The following SORCS3 variants were observed in gnomAD, a reference collection of about 807,000 sequenced individuals.
SORCS3 encodes sortilin related VPS10 domain containing receptor 3, also known as VPS10 domain-containing receptor SorCS3.
Under a neutral mutation model 146.3 loss-of-function variants are expected in SORCS3, and 57 were observed. The ratio of observed to expected loss-of-function variants is 0.39; its 90% CI spans 0.31 to 0.49. The LOEUF (loss-of-function observed/expected upper bound fraction) is 0.49. Ranked by LOEUF, SORCS3 falls within the 20% of genes least tolerant of loss-of-function variation. The pLI is 0.92. For missense variants in SORCS3, 1,341 were observed against 1,575.5 expected, an observed-to-expected ratio of 0.85 and a Z score of 2.52; for synonymous variants, 653 against 618.5, an observed-to-expected ratio of 1.06 and a Z score of -0.83.
At chr10:104,870,893 C>T (rs2451494) in intron 2 of SORCS3, among the ~76,000 whole-genome samples, 12,609 of 152,174 alleles carry the variant, frequency 0.083, 1,653 homozygotes, top group African/African-American at 0.28. Context: ...GTCAACCATT[C>T]TCTTGAACAT....
In SORCS3 at chr10:105,263,736, A is replaced by C; in HGVS notation, c.*362A>C. On this transcript the variant is annotated 3_prime_UTR_variant, in exon 27 of 27. Transcript: ENST00000369701. Reference sequence around the variant, plus strand: ...CTCTCATCCCCACAGCAGAATCACCAACACTCTCCGCTTCCCCCAGCACAC... The same window carrying C: ...CTCTCATCCCCACAGCAGAATCACCCACACTCTCCGCTTCCCCCAGCACAC... 1 of 235,238 alleles carries C rather than the reference A, an allele frequency of 4.3e-6. No homozygotes were observed. Among genetic ancestry groups the C allele is most frequent in the Non-Finnish European group, 8.5e-6 (1 of 117,862 alleles). The allele number at this position is 235,238 out of a possible 1,614,324, so 14.6% of individuals were successfully genotyped here.
chr10:104,907,522 G>A (rs1457355209), intron 2 of SORCS3, among the ~76,000 whole-genome samples: 1 of 152,198 alleles, frequency 6.6e-6, no homozygotes, highest in African/African-American at 2.4e-5. Flanking sequence ...CGTGTGCTGG[G>A]AAGCTGCTGC....
chr10:104,733,030 G>A, intron 1 of SORCS3, among the ~76,000 whole-genome samples: 1 of 152,208 alleles, frequency 6.6e-6, no homozygotes, highest in African/African-American at 2.4e-5. Flanking sequence ...TACATAAGCT[G>A]ATAAATCAGT....
intron 20 of SORCS3, among the ~76,000 whole-genome samples, chr10:105,233,408 T>A (rs561910436): frequency 6.6e-6 from 1 of 152,302 alleles, no homozygotes; most frequent in African/African-American, 2.4e-5. Context: ...AATACTTTTC[T>A]TTCTTTTTTT....
intron 1 of SORCS3, among the ~76,000 whole-genome samples, chr10:104,817,823 G>T (rs999083996): frequency 2.6e-5 from 4 of 151,082 alleles, no homozygotes; most frequent in African/African-American, 9.7e-5. Context: ...CCCACAATAG[G>T]AAGTACAGAG....
intron 13 of SORCS3, among the ~76,000 whole-genome samples, chr10:105,176,057 A>G (rs936792243): frequency 6.6e-6 from 1 of 152,180 alleles, no homozygotes; most frequent in African/African-American, 2.4e-5. Flanking sequence ...GGTAATTCAC[A>G]CCCAACTTAT....
chr10:105,045,558 G>A (rs1392221563), intron 5 of SORCS3, among the ~76,000 whole-genome samples: 2 of 151,886 alleles, frequency 1.3e-5, no homozygotes, highest in Non-Finnish European at 2.9e-5. Context: ...AGAATTCAGG[G>A]TTTTCTAAAG....
At chr10:105,156,325 C>G (rs192297766) in intron 9 of SORCS3, among the ~76,000 whole-genome samples, 1 of 152,270 alleles carries the variant, frequency 6.6e-6, no homozygotes, top group Non-Finnish European at 1.5e-5. Flanking sequence ...GCTTTCCTTG[C>G]CCAGCATATA....
chr10:104,725,084 G>GT (rs998703908), intron 1 of SORCS3, among the ~76,000 whole-genome samples: 3 of 152,088 alleles, frequency 2.0e-5, no homozygotes, highest in African/African-American at 4.8e-5. Flanking sequence ...TTTCTGCTCT[G>GT]TTTTTTCCCC....
chr10:105,183,078 A>G (rs1031095984), intron 14 of SORCS3, among the ~76,000 whole-genome samples: 1 of 152,210 alleles, frequency 6.6e-6, no homozygotes, highest in Non-Finnish European at 1.5e-5. Flanking sequence ...AAAGGGGTTC[A>G]TGGCTATACA....
At position 105,234,316 on chromosome 10, in the gene SORCS3, T is replaced by C. The variant is rs541240991; in HGVS notation, c.2868+11067T>C. Among the ~76,000 whole-genome samples the C allele has an allele frequency of 5.3e-5, 8 of 152,144 alleles. No homozygotes were observed. The East Asian group carries it at 1.5e-3, about 29-fold the overall frequency. Reference sequence around the variant, plus strand: ...CTTCTCTCATGACTTTTTTTCTTAATCTTTGATTTTTTTTGTAGTTTGAAA... The same window carrying C: ...CTTCTCTCATGACTTTTTTTCTTAACCTTTGATTTTTTTTGTAGTTTGAAA... On this transcript the variant is annotated intron_variant, in intron 20 of 26. Coordinates refer to ENST00000369701, the MANE Select transcript of SORCS3 (RefSeq NM_014978.3).
intron 13 of SORCS3, among the ~76,000 whole-genome samples, chr10:105,172,817 C>G (rs947386620): frequency 1.3e-5 from 2 of 152,086 alleles, no homozygotes; most frequent in Non-Finnish European, 2.9e-5. Context: ...TGAGCACATC[C>G]TACACTCACG....
chr10:104,992,345 G>A (rs2054999455), intron 4 of SORCS3, among the ~76,000 whole-genome samples: 1 of 152,208 alleles, frequency 6.6e-6, no homozygotes. Context: ...GAGTCTAAAA[G>A]AAGTCTCAGA....
intron 1 of SORCS3, among the ~76,000 whole-genome samples, chr10:104,724,424 C>G (rs1242966514): frequency 6.6e-6 from 1 of 152,120 alleles, no homozygotes; most frequent in African/African-American, 2.4e-5. Flanking sequence ...TCCTTCATTT[C>G]AACTTTGGTG....
At chr10:105,027,811 T>G (rs143399056) in intron 4 of SORCS3, among the ~76,000 whole-genome samples, 2 of 152,310 alleles carry the variant, frequency 1.3e-5, no homozygotes, top group East Asian at 3.9e-4. Context: ...GGCTTCCTAG[T>G]GCTCCTGAGC....
At chr10:104,713,636 A>C (rs772851571) in intron 1 of SORCS3, among the ~76,000 whole-genome samples, 31 of 152,320 alleles carry the variant, frequency 2.0e-4, no homozygotes, top group Non-Finnish European at 4.0e-4. Flanking sequence ...CATATCTGGG[A>C]TAAATCCCAT....
intron 4 of SORCS3, among the ~76,000 whole-genome samples, chr10:104,994,838 C>G (rs73334028): frequency 0.075 from 11,369 of 152,196 alleles, 476 homozygotes; most frequent in African/African-American, 0.1. Flanking sequence ...ATTAGTTTAT[C>G]CATCCACATG....
intron 1 of SORCS3, among the ~76,000 whole-genome samples, chr10:104,718,252 G>T (rs796434971): frequency 6.6e-6 from 1 of 152,150 alleles, no homozygotes; most frequent in South Asian, 2.1e-4. Flanking sequence ...GCCCCTACCT[G>T]GTGTAGGCCT....
chr10:104,797,870 C>A (rs1455050089), intron 1 of SORCS3, among the ~76,000 whole-genome samples: 1 of 151,976 alleles, frequency 6.6e-6, no homozygotes, highest in Non-Finnish European at 1.5e-5. Flanking sequence ...GTGCTGAAAA[C>A]AAAACAAAAT....
Sources: allele counts gnomAD v4.1 joint callset (sites outside exome capture counted in the v4.1 genomes callset), GRCh38; gene constraint gnomAD v4.1.1; transcripts MANE v1.5; gene names NCBI Gene and HGNC (gene_info 2026-07-23, HGNC 2026-07-21).